Variants in PLCB1 observed in about 807,000 individuals in gnomAD.
The protein encoded by PLCB1 is phospholipase C beta 1.
Under a neutral mutation model 161.8 loss-of-function variants are expected in PLCB1, and 46 were observed. The ratio of observed to expected loss-of-function variants is 0.28; its 90% confidence interval spans 0.22 to 0.36. PLCB1 has a LOEUF of 0.36. Ranked by LOEUF, PLCB1 falls within the 10% of genes least tolerant of loss-of-function variation. The pLI, the probability that PLCB1 is intolerant of heterozygous loss-of-function variation, is 1.00. For synonymous variants in PLCB1, 517 were observed against 503.7 expected (o/e 1.03, Z -0.35); for missense variants, 1,016 against 1,472.5 (o/e 0.69, Z 5.07).
chr20:8,870,197 T>A lies in PLCB1; in HGVS notation c.3424-11425T>A, dbSNP rs146223019. ...ACCACAGAGGAGAGAATTGACGAGG[T>A]CCTGGTCCTGGTTTTGCTACTAGCC... On this transcript the variant is annotated intron_variant, in intron 31 of 31. Coordinates refer to ENST00000338037, the MANE Select transcript of PLCB1 (RefSeq NM_015192.4). 5.9e-3 allele frequency among the ~76,000 whole-genome samples: 905 copies of A among 152,194 alleles called. 27 individuals carry two copies. Among genetic ancestry groups the A allele is most frequent in the Non-Finnish European group, 3.1e-3 (208 of 68,004 alleles).
intron 1 of PLCB1, chr20:8,141,905 C>T (rs2051407933): frequency 6.6e-6 from 1 of 152,076 alleles, no homozygotes; most frequent in African/African-American, 2.4e-5. Context: ...AATCATGGAC[C>T]ATGGAAGAAC....
rs1374662946 is a variant in PLCB1 at position 8,646,131 on chromosome 20, A to C, written c.414A>C (p.Ala138=). ...KEWTNEVFSL[A]TNLLAQNMSR... The stretch of plus-strand genomic sequence containing the variant: ...GGACAAATGAGGTTTTCAGTTTGGC[A>C]ACAAACCTGCTGGCCCAAAACATGT... The change falls in exon 5 of 32, where the codon GCA becomes GCC. Residue 138 remains alanine, a synonymous_variant. Coordinates refer to ENST00000338037, the MANE Select transcript of PLCB1 (RefSeq NM_015192.4). The C allele has an allele frequency of 6.2e-7, 1 of 1,613,602 alleles. No individual in the cohort carries two copies. Among genetic ancestry groups the C allele is most frequent in the Non-Finnish European group, 8.5e-7 (1 of 1,179,614 alleles).
chr20:8,249,970 T>C (rs1981056952), intron 2 of PLCB1, among the ~76,000 whole-genome samples: 1 of 151,980 alleles, frequency 6.6e-6, no homozygotes, highest in African/African-American at 2.4e-5. Flanking sequence ...GAACTGAGGC[T>C]CAAGCCTGTT....
chr20:8,602,024 A>G (rs1294372333), intron 3 of PLCB1, among the ~76,000 whole-genome samples: 2 of 152,112 alleles, frequency 1.3e-5, no homozygotes, highest in Non-Finnish European at 2.9e-5. Flanking sequence ...ACATTTTAGG[A>G]TATCTGATGG....
chr20:8,779,439 A>T (rs1455291576), intron 27 of PLCB1, among the ~76,000 whole-genome samples: 1 of 136,864 alleles, frequency 7.3e-6, no homozygotes, highest in African/African-American at 2.7e-5. Flanking sequence ...GATATTTTTG[A>T]TGTAATTGTT....
At chr20:8,324,202 GTGTGTGTGTGTGT>G (rs1568632274) in intron 2 of PLCB1, among the ~76,000 whole-genome samples, 1 of 2,930 alleles carries the variant, frequency 3.4e-4, no homozygotes, top group African/African-American at 5.5e-4. Flanking sequence ...TGGTAGGGGT[GTGTGTGTGTGTGT>G]GTGTGTGTGT....
intron 2 of PLCB1, among the ~76,000 whole-genome samples, chr20:8,324,201 T>G (rs112043563): frequency 3.8e-4 from 1 of 2,642 alleles, no homozygotes; most frequent in African/African-American, 5.8e-4. Flanking sequence ...CTGGTAGGGG[T>G]GTGTGTGTGT....
Position 8,532,963 on chromosome 20 carries a change from T to C in PLCB1, c.247-95331T>C, listed in dbSNP as rs371896454. On this transcript the variant is annotated intron_variant, in intron 3 of 31. Coordinates refer to ENST00000338037, the MANE Select transcript of PLCB1 (RefSeq NM_015192.4). Reference sequence around the variant, plus strand: ...GTGCCATGCTGGTGTGCTGCACCCATTAACTCATCATTTAGCATTAGGTAT... The same window carrying C: ...GTGCCATGCTGGTGTGCTGCACCCACTAACTCATCATTTAGCATTAGGTAT... Among the ~76,000 whole-genome samples, 16 of 152,016 alleles carry C rather than the reference T, an allele frequency of 1.1e-4. No homozygotes were observed. In the South Asian group the frequency reaches 3.1e-3, roughly 30 times the overall value.
intron 28 of PLCB1, 48 bp downstream of exon 28, chr20:8,788,573 C>CA: frequency 6.3e-7 from 1 of 1,592,574 alleles, no homozygotes; most frequent in Non-Finnish European, 8.6e-7. Context: ...TGAATTTATT[C>CA]AACACAAATT....
rs571782055 is a variant in PLCB1 at position 8,796,897 on chromosome 20, T to C, written c.3423+6636T>C. Among the ~76,000 whole-genome samples, 30 of 152,340 alleles carry C rather than the reference T, an allele frequency of 2.0e-4. 1 individual carries two copies. In the East Asian group the frequency reaches 5.6e-3, roughly 28 times the overall value. On this transcript the variant is annotated intron_variant, in intron 31 of 31. Coordinates refer to ENST00000338037, the MANE Select transcript of PLCB1 (RefSeq NM_015192.4). ...ATATTCACATATTCTTTGTGAAACG[T>C]TTTTTCTTGTATCTTCTGCCCATTT... is the stretch of plus-strand genomic sequence containing the variant.
intron 3 of PLCB1, among the ~76,000 whole-genome samples, chr20:8,546,519 C>A (rs1277018624): frequency 2.0e-5 from 3 of 151,982 alleles, no homozygotes; most frequent in Non-Finnish European, 2.9e-5. Flanking sequence ...ACCAAGAATG[C>A]CACTCTGATT....
intron 4 of PLCB1, among the ~76,000 whole-genome samples, chr20:8,643,825 C>A (rs1989041588): frequency 6.9e-6 from 1 of 145,780 alleles, no homozygotes; most frequent in East Asian, 2.0e-4. Context: ...TCTCTTTCCA[C>A]GGTCTCCCTC....
intron 3 of PLCB1, among the ~76,000 whole-genome samples, chr20:8,543,147 A>G (rs1985398967): frequency 6.6e-6 from 1 of 152,202 alleles, no homozygotes; most frequent in African/African-American, 2.4e-5. Context: ...CCTTTAAACA[A>G]CATCCTCCTG....
intron 2 of PLCB1, among the ~76,000 whole-genome samples, chr20:8,260,870 CTG>C (rs1198707203): frequency 5.3e-5 from 8 of 152,160 alleles, no homozygotes; most frequent in Non-Finnish European, 1.2e-4. Context: ...CTCTGGCCAA[CTG>C]CCCTGGGCTG....
At chr20:8,631,882 G>A (rs962683744) in intron 4 of PLCB1, among the ~76,000 whole-genome samples, 1 of 151,994 alleles carries the variant, frequency 6.6e-6, no homozygotes, top group Non-Finnish European at 1.5e-5. Context: ...AGAGAATAAG[G>A]GAGACAAATC....
At chr20:8,647,271 A>C (rs1048303659) in intron 5 of PLCB1, among the ~76,000 whole-genome samples, 1 of 152,216 alleles carries the variant, frequency 6.6e-6, no homozygotes, top group African/African-American at 2.4e-5. Flanking sequence ...AAGGGGACAC[A>C]GAGGTAAATA....
Position 8,851,631 on chromosome 20 carries a change from G to T in PLCB1, c.3424-29991G>T, listed in dbSNP as rs560620771. ...GGAAGTACCACTAAGATTGATTAGT[G>T]ATGTCTGCCATAGTCACCCCAGCTG... On this transcript the variant is annotated intron_variant, in intron 31 of 31. Coordinates refer to ENST00000338037, the MANE Select transcript of PLCB1 (RefSeq NM_015192.4). 1.5e-3 allele frequency among the ~76,000 whole-genome samples: 221 copies of T among 152,100 alleles called. 1 individual carries two copies. Among genetic ancestry groups the T allele is most frequent in the African/African-American group, 5.0e-3 (209 of 41,490 alleles).
At chr20:8,758,669 T>C (rs1326702518) in intron 24 of PLCB1, among the ~76,000 whole-genome samples, 1 of 152,228 alleles carries the variant, frequency 6.6e-6, no homozygotes, top group Non-Finnish European at 1.5e-5. Context: ...AAGAGTTTTA[T>C]ATACCAAATA....
intron 3 of PLCB1, among the ~76,000 whole-genome samples, chr20:8,391,586 T>C (rs917865645): frequency 4.0e-5 from 6 of 151,582 alleles, no homozygotes; most frequent in Non-Finnish European, 8.8e-5. Flanking sequence ...CCCAGGAAGG[T>C]TTATTGGTTT....
Sources: allele counts gnomAD v4.1 joint callset (sites outside exome capture counted in the v4.1 genomes callset), GRCh38; gene constraint gnomAD v4.1.1; transcripts MANE v1.5; gene names NCBI Gene and HGNC (gene_info 2026-07-23, HGNC 2026-07-21).